Variants in CNTNAP2 observed in about 807,000 individuals in gnomAD.
The protein encoded by CNTNAP2 is contactin-associated protein-like 2.
Under a neutral mutation model 155.2 loss-of-function variants are expected in CNTNAP2, and 98 were observed. The observed-to-expected ratio is 0.63, with a 90% CI of 0.54 to 0.75. CNTNAP2 has a LOEUF of 0.75. Ranked by LOEUF, CNTNAP2 falls within the 30% of genes least tolerant of loss-of-function variation. The pLI, the probability that CNTNAP2 is intolerant of heterozygous loss-of-function variation, is 0.00. For missense variants in CNTNAP2, 1,727 were observed against 1,688.1 expected, an observed-to-expected ratio of 1.02 and a Z score of -0.40; for synonymous variants, 651 against 631.2, an observed-to-expected ratio of 1.03 and a Z score of -0.47.
intron 21 of CNTNAP2, among the ~76,000 whole-genome samples, chr7:148,329,930 AC>A (rs997833252): frequency 2.6e-5 from 4 of 151,980 alleles, no homozygotes; most frequent in Admixed American, 2.6e-4. Flanking sequence ...GCAGGCCCTT[AC>A]CCCCGTCTGG....
intron 4 of CNTNAP2, among the ~76,000 whole-genome samples, chr7:147,058,777 T>G (rs905115921): frequency 6.6e-6 from 1 of 152,148 alleles, no homozygotes; most frequent in Non-Finnish European, 1.5e-5. Context: ...CAGCTAATTT[T>G]TGTATTTTTA....
intron 1 of CNTNAP2, among the ~76,000 whole-genome samples, chr7:146,583,657 A>C (rs1251803267): frequency 6.6e-6 from 1 of 152,222 alleles, no homozygotes; most frequent in Non-Finnish European, 1.5e-5. Context: ...TTGAGGTGAC[A>C]AGATTAATAT....
chr7:148,012,941 T>A (rs750042430), intron 15 of CNTNAP2, among the ~76,000 whole-genome samples: 1 of 152,204 alleles, frequency 6.6e-6, no homozygotes, highest in Non-Finnish European at 1.5e-5. Context: ...TTTAATTTTC[T>A]AGCTTTCAAA....
intron 13 of CNTNAP2, among the ~76,000 whole-genome samples, chr7:147,691,787 T>C (rs1374008898): frequency 1.3e-5 from 2 of 152,048 alleles, no homozygotes; most frequent in African/African-American, 2.4e-5. Flanking sequence ...TCTTCACACA[T>C]ACTCAGACTC....
chr7:146,357,249 A>AAG lies in CNTNAP2; in HGVS notation c.97+240277_97+240278insGA, dbSNP rs1034205103. Among the ~76,000 whole-genome samples, 16 of 151,824 alleles carry AAG rather than the reference A, an allele frequency of 1.1e-4. No homozygotes were observed. In the East Asian group the frequency reaches 2.9e-3, roughly 28 times the overall value. On this transcript the variant is annotated intron_variant, in intron 1 of 23. Transcript: ENST00000361727. ...CAGTGCTCCAAAAAAAAAAAAAAAA[A>AAG]AAGAGGTCGAAACAAAATAAAACAT...
chr7:146,518,914 T>C (rs1797577758), intron 1 of CNTNAP2, among the ~76,000 whole-genome samples: 1 of 151,964 alleles, frequency 6.6e-6, no homozygotes, highest in African/African-American at 2.4e-5. Context: ...TTTTGCATGC[T>C]GTTCCTTCTG....
At chr7:147,032,380 T>C (rs1799052188) in intron 3 of CNTNAP2, among the ~76,000 whole-genome samples, 1 of 152,186 alleles carries the variant, frequency 6.6e-6, no homozygotes, top group Non-Finnish European at 1.5e-5. Context: ...TTAAGATCAA[T>C]ATGATACATG....
chr7:147,014,241 T>TA (rs1209970087), intron 3 of CNTNAP2, among the ~76,000 whole-genome samples: 1 of 149,368 alleles, frequency 6.7e-6, no homozygotes, highest in East Asian at 2.0e-4. Flanking sequence ...GAATATAACA[T>TA]AAAAAACCCT....
intron 8 of CNTNAP2, among the ~76,000 whole-genome samples, chr7:147,186,171 A>C (rs554684327): frequency 6.6e-6 from 1 of 152,164 alleles, no homozygotes; most frequent in Non-Finnish European, 1.5e-5. Flanking sequence ...AGAAGATGGG[A>C]ATGGAAGGAG....
intron 16 of CNTNAP2, among the ~76,000 whole-genome samples, chr7:148,136,029 G>A (rs193205634): frequency 0.04 from 2,037 of 51,326 alleles, 176 homozygotes; most frequent in African/African-American, 0.17. Flanking sequence ...GGGAGGGAGG[G>A]AGGGAGGGAG....
At chr7:148,252,606 G>A (rs761893859) in intron 20 of CNTNAP2, among the ~76,000 whole-genome samples, 5 of 152,160 alleles carry the variant, frequency 3.3e-5, no homozygotes, top group African/African-American at 4.8e-5. Flanking sequence ...GGGGTACACA[G>A]CACATTAACA....
chr7:146,147,354 A>G (rs1266150609), intron 1 of CNTNAP2, among the ~76,000 whole-genome samples: 1 of 152,134 alleles, frequency 6.6e-6, no homozygotes, highest in African/African-American at 2.4e-5. Flanking sequence ...GACAGTTTGG[A>G]GGAGATTCAT....
chr7:147,409,950 C>T (rs554837947), intron 10 of CNTNAP2, among the ~76,000 whole-genome samples: 8 of 152,230 alleles, frequency 5.3e-5, no homozygotes, highest in South Asian at 2.1e-4. Flanking sequence ...TATACACTAC[C>T]GGTGGAAATG....
At chr7:146,989,532 A>C (rs964538572) in intron 3 of CNTNAP2, among the ~76,000 whole-genome samples, 1 of 130,572 alleles carries the variant, frequency 7.7e-6, no homozygotes, top group Non-Finnish European at 1.6e-5. Flanking sequence ...TTTAACACAA[A>C]CAAACAAACA....
At chr7:148,343,004 TC>T (rs1227258981) in intron 21 of CNTNAP2, among the ~76,000 whole-genome samples, 1 of 152,170 alleles carries the variant, frequency 6.6e-6, no homozygotes, top group African/African-American at 2.4e-5. Context: ...CCACACACTC[TC>T]ATCTTCAATT....
intron 3 of CNTNAP2, among the ~76,000 whole-genome samples, chr7:146,918,254 A>T (rs973985524): frequency 6.6e-6 from 1 of 151,818 alleles, no homozygotes; most frequent in African/African-American, 2.4e-5. Context: ...GTTTATTTTC[A>T]TTATGTTGTT....
At chr7:146,310,755 A>G (rs541833562) in intron 1 of CNTNAP2, among the ~76,000 whole-genome samples, 1 of 152,242 alleles carries the variant, frequency 6.6e-6, no homozygotes, top group East Asian at 1.9e-4. Context: ...CAATTTATCC[A>G]TTCATCCATT....
Position 147,989,780 on chromosome 7 carries a change from T to G in CNTNAP2, c.2383+11791T>G, listed in dbSNP as rs138405670. ...TCCTTCTCATCATGTGGATCTCAGCTTCGATGTTAATTCTTCTAAGAGGAC... is the reference window on the plus strand; with the variant it reads ...TCCTTCTCATCATGTGGATCTCAGCGTCGATGTTAATTCTTCTAAGAGGAC... On this transcript the variant is annotated intron_variant, in intron 15 of 23. Coordinates refer to ENST00000361727, the MANE Select transcript of CNTNAP2 (RefSeq NM_014141.6). 5.5e-3 allele frequency among the ~76,000 whole-genome samples: 834 copies of G among 152,250 alleles called. 2 individuals are homozygous for G. Among genetic ancestry groups the G allele is most frequent in the Non-Finnish European group, 9.5e-3 (648 of 68,016 alleles).
At chr7:147,103,053 C>T (rs922394867) in intron 4 of CNTNAP2, among the ~76,000 whole-genome samples, 8 of 152,084 alleles carry the variant, frequency 5.3e-5, no homozygotes, top group African/African-American at 1.7e-4. Context: ...TCTAGTGACT[C>T]TAATTTTTTA....
Sources: allele counts gnomAD v4.1 joint callset (sites outside exome capture counted in the v4.1 genomes callset), GRCh38; gene constraint gnomAD v4.1.1; transcripts MANE v1.5; gene names NCBI Gene and HGNC (gene_info 2026-07-23, HGNC 2026-07-21).